CSMD1: variants seen among roughly 807,000 people sequenced by gnomAD.
CSMD1 encodes CUB and sushi domain-containing protein 1.
In CSMD1, 213 loss-of-function variants were observed where a neutral mutation model predicts 417.5. The ratio of observed to expected loss-of-function variants is 0.51; its 90% CI spans 0.46 to 0.57. The LOEUF is 0.57. Ranked by LOEUF, CSMD1 falls within the 20% of genes least tolerant of loss-of-function variation. The probability of loss-of-function intolerance (pLI) is 0.00; values close to 1 mark genes in which losing one functional copy is unlikely to be tolerated. For missense variants in CSMD1, 6,923 were observed against 4,529.7 expected (o/e 1.53, Z -15.17); for synonymous variants, 2,862 against 1,736.8 (o/e 1.65, Z -16.11).
intron 3 of CSMD1, among the ~76,000 whole-genome samples, chr8:4,381,766 TG>T (rs533533930): frequency 1.3e-5 from 2 of 152,278 alleles, no homozygotes; most frequent in South Asian, 4.1e-4. Flanking sequence ...GTTTTGTTTT[TG>T]TTTTTTTCCT....
At chr8:4,939,923 T>C (rs555853239) in intron 1 of CSMD1, among the ~76,000 whole-genome samples, 1 of 152,352 alleles carries the variant, frequency 6.6e-6, no homozygotes, top group East Asian at 1.9e-4. Context: ...ATATACAATT[T>C]TGATTTGTCA....
chr8:3,172,589 C>A (rs982504782), intron 37 of CSMD1, among the ~76,000 whole-genome samples: 1 of 151,990 alleles, frequency 6.6e-6, no homozygotes, highest in South Asian at 2.1e-4. Context: ...GAGGGCAGGG[C>A]GAGACATGTG....
At chr8:4,044,490 C>T (rs925737479) in intron 3 of CSMD1, among the ~76,000 whole-genome samples, 14 of 152,264 alleles carry the variant, frequency 9.2e-5, no homozygotes, top group African/African-American at 2.6e-4. Flanking sequence ...AGGGGACCAG[C>T]GACCCCTCCA....
chr8:3,474,419 T>C (rs1817290586), intron 11 of CSMD1, among the ~76,000 whole-genome samples: 2 of 152,118 alleles, frequency 1.3e-5, no homozygotes, highest in Non-Finnish European at 2.9e-5. Context: ...CAAACATTTA[T>C]TTATCCCTTG....
At chr8:4,168,953 C>G (rs553311960) in intron 3 of CSMD1, among the ~76,000 whole-genome samples, 30 of 152,260 alleles carry the variant, frequency 2.0e-4, no homozygotes, top group African/African-American at 6.5e-4. Flanking sequence ...GGTACCTGAT[C>G]ATCTCTGCTA....
At chr8:3,206,460 TG>T (rs755665029) in intron 30 of CSMD1, among the ~76,000 whole-genome samples, 335 of 14,436 alleles carry the variant, frequency 0.023, 29 homozygotes, top group Non-Finnish European at 0.041. Flanking sequence ...TATGTGTGTG[TG>T]GGGGGGTTAT....
chr8:3,050,321 A>C (rs73181744), intron 50 of CSMD1, among the ~76,000 whole-genome samples: 1 of 152,160 alleles, frequency 6.6e-6, no homozygotes, highest in Non-Finnish European at 1.5e-5. Context: ...AGTAGTTTTC[A>C]CCTCATTTGT....
At chr8:3,440,574 C>G (rs895531819) in intron 12 of CSMD1, among the ~76,000 whole-genome samples, 3 of 152,230 alleles carry the variant, frequency 2.0e-5, no homozygotes, top group East Asian at 3.9e-4. Context: ...TCTATCTAGA[C>G]GATCACGTTA....
At chr8:4,011,920 C>T (rs182225897) in intron 4 of CSMD1, among the ~76,000 whole-genome samples, 1 of 152,166 alleles carries the variant, frequency 6.6e-6, no homozygotes, top group Non-Finnish European at 1.5e-5. Context: ...ATAACTTATA[C>T]ACATCTTCCC....
intron 3 of CSMD1, among the ~76,000 whole-genome samples, chr8:4,285,485 T>C (rs1485404543): frequency 6.6e-6 from 1 of 152,176 alleles, no homozygotes; most frequent in Non-Finnish European, 1.5e-5. Flanking sequence ...AAAAGTGGGC[T>C]TTTCCAAATA....
At chr8:3,918,250 G>A (rs1315711967) in intron 5 of CSMD1, among the ~76,000 whole-genome samples, 1 of 152,010 alleles carries the variant, frequency 6.6e-6, no homozygotes, top group Non-Finnish European at 1.5e-5. Flanking sequence ...AGGTTTTGTT[G>A]TTGTTGTTGT....
At chr8:4,870,054 G>T (rs996925092) in intron 1 of CSMD1, among the ~76,000 whole-genome samples, 1 of 152,018 alleles carries the variant, frequency 6.6e-6, no homozygotes, top group South Asian at 2.1e-4. Flanking sequence ...TACCAGAACC[G>T]CAGACTTCAA....
intron 33 of CSMD1, among the ~76,000 whole-genome samples, chr8:3,194,741 AT>A (rs1394738802): frequency 1.3e-5 from 2 of 151,778 alleles, no homozygotes; most frequent in Non-Finnish European, 2.9e-5. Flanking sequence ...AAGTGCTAGG[AT>A]TATAGGCATG....
At chr8:4,511,507 C>A (rs925703869) in intron 2 of CSMD1, among the ~76,000 whole-genome samples, 1 of 152,228 alleles carries the variant, frequency 6.6e-6, no homozygotes, top group Non-Finnish European at 1.5e-5. Context: ...AGTCACCACT[C>A]TGTCCTAAGA....
At chr8:3,479,158 T>C (rs759536807) in intron 11 of CSMD1, among the ~76,000 whole-genome samples, 27 of 152,140 alleles carry the variant, frequency 1.8e-4, no homozygotes, top group Admixed American at 6.5e-4. Context: ...CAAATTATCA[T>C]TGGAACCTCC....
chr8:3,235,342 C>G (rs1799086987), intron 26 of CSMD1, among the ~76,000 whole-genome samples: 1 of 152,110 alleles, frequency 6.6e-6, no homozygotes, highest in Admixed American at 6.6e-5. Flanking sequence ...ATATATAATA[C>G]TCACTACTAG....
At chr8:3,970,412 C>A (rs140472307) in intron 5 of CSMD1, among the ~76,000 whole-genome samples, 1 of 152,116 alleles carries the variant, frequency 6.6e-6, no homozygotes, top group African/African-American at 2.4e-5. Flanking sequence ...TAGGAGGGAA[C>A]AATATGGATT....
At chr8:4,420,478 C>T (rs1205571028) in intron 2 of CSMD1, among the ~76,000 whole-genome samples, 2 of 151,946 alleles carry the variant, frequency 1.3e-5, no homozygotes, top group East Asian at 1.9e-4. Context: ...CAACCCATCA[C>T]GTCGGTATGA....
At chr8:4,404,063 G>A (rs983636373) in intron 3 of CSMD1, among the ~76,000 whole-genome samples, 9 of 152,180 alleles carry the variant, frequency 5.9e-5, no homozygotes, top group Non-Finnish European at 1.0e-4. Flanking sequence ...AACACTCTAC[G>A]CCAGAGCTTT....
Sources: allele counts gnomAD v4.1 joint callset (sites outside exome capture counted in the v4.1 genomes callset), GRCh38; gene constraint gnomAD v4.1.1; transcripts MANE v1.5; gene names NCBI Gene and HGNC (gene_info 2026-07-23, HGNC 2026-07-21).